Variants in GPM6A observed in about 807,000 individuals in gnomAD.
GPM6A encodes the protein neuronal membrane glycoprotein M6-a.
In GPM6A, 7 loss-of-function variants were observed where a neutral mutation model predicts 32.1. The observed-to-expected ratio is 0.22, with a 90% CI of 0.12 to 0.41. GPM6A has a LOEUF of 0.41. GPM6A is among the 10% of genes least tolerant of loss of function. The pLI is 1.00. For missense variants in GPM6A, 235 were observed against 347.2 expected (o/e 0.68, Z 2.57); for synonymous variants, 130 against 123.4 (o/e 1.05, Z -0.35).
intron 1 of GPM6A, among the ~76,000 whole-genome samples, chr4:175,993,936 C>G (rs1010852572): frequency 7.9e-5 from 12 of 152,148 alleles, no homozygotes; most frequent in African/African-American, 2.7e-4. Flanking sequence ...TTCCTAGCAA[C>G]GTGTACAAAT....
intron 1 of GPM6A, among the ~76,000 whole-genome samples, chr4:175,835,909 G>T (rs1291784091): frequency 6.6e-6 from 1 of 150,862 alleles, no homozygotes; most frequent in Non-Finnish European, 1.5e-5. Context: ...GCCAGAAAGA[G>T]AAGAGCATAA....
chr4:175,821,958 AAC>A (rs964776067), intron 1 of GPM6A, among the ~76,000 whole-genome samples: 1 of 152,132 alleles, frequency 6.6e-6, no homozygotes, highest in African/African-American at 2.4e-5. Flanking sequence ...TAGGGTCCCC[AAC>A]ACAGTGTTGA....
At chr4:175,675,728 C>T (rs923509618) in intron 2 of GPM6A, among the ~76,000 whole-genome samples, 6 of 152,168 alleles carry the variant, frequency 3.9e-5, no homozygotes, top group African/African-American at 1.4e-4. Context: ...TGGCTCACCG[C>T]AGCCTCAACC....
chr4:175,981,922 T>C (rs1188746902), intron 1 of GPM6A, among the ~76,000 whole-genome samples: 1 of 152,172 alleles, frequency 6.6e-6, no homozygotes, highest in Non-Finnish European at 1.5e-5. Flanking sequence ...GCTTGGATTT[T>C]TGTTCTGTTT....
At chr4:176,002,356 T>A, upstream of GPM6A, 1 of 1,577,634 alleles carries the variant, frequency 6.3e-7, no homozygotes, top group Non-Finnish European at 8.6e-7. Flanking sequence ...GGAGAGCGAG[T>A]GACCAGACGC....
At chr4:175,877,727 T>C (rs757144623) in intron 1 of GPM6A, among the ~76,000 whole-genome samples, 27 of 152,254 alleles carry the variant, frequency 1.8e-4, no homozygotes, top group Non-Finnish European at 3.8e-4. Flanking sequence ...CCAAACCATA[T>C]CATTCTGCCC....
At chr4:175,804,792 T>C (rs1734618765) in intron 1 of GPM6A, among the ~76,000 whole-genome samples, 1 of 152,112 alleles carries the variant, frequency 6.6e-6, no homozygotes, top group African/African-American at 2.4e-5. Context: ...ACGCCTGTAA[T>C]CCCAGCACTT....
intron 1 of GPM6A, among the ~76,000 whole-genome samples, chr4:175,895,619 A>G (rs541571792): frequency 5.3e-5 from 8 of 152,330 alleles, no homozygotes; most frequent in African/African-American, 1.7e-4. Flanking sequence ...TAAAATTCCA[A>G]ATCAACCTAT....
intron 1 of GPM6A, among the ~76,000 whole-genome samples, chr4:175,775,355 T>C (rs1733352348): frequency 6.6e-6 from 1 of 152,136 alleles, no homozygotes; most frequent in African/African-American, 2.4e-5. Flanking sequence ...ACAAAGTGTT[T>C]TCTCTGTTTT....
chr4:175,727,031 A>G (rs1379136451), intron 1 of GPM6A, among the ~76,000 whole-genome samples: 1 of 152,152 alleles, frequency 6.6e-6, no homozygotes, highest in African/African-American at 2.4e-5. Context: ...ATTTTCTAGA[A>G]GAGAAAGATC....
intron 1 of GPM6A, among the ~76,000 whole-genome samples, chr4:175,948,583 G>A (rs1739691844): frequency 6.6e-6 from 1 of 152,096 alleles, no homozygotes; most frequent in African/African-American, 2.4e-5. Context: ...TTGAATATTT[G>A]AACTCTAAAA....
At chr4:175,872,638 T>C (rs1046966050) in intron 1 of GPM6A, 4 of 152,184 alleles carry the variant, frequency 2.6e-5, no homozygotes, top group African/African-American at 9.7e-5. Context: ...ATCTTTAAAG[T>C]TGAGTTATTA....
chr4:175,946,592 T>C (rs1485807079), intron 1 of GPM6A, among the ~76,000 whole-genome samples: 1 of 152,066 alleles, frequency 6.6e-6, no homozygotes, highest in African/African-American at 2.4e-5. Context: ...TTGAGGCAGG[T>C]GGTCCATAGA....
At chr4:175,677,856 A>G (rs1007572709) in intron 2 of GPM6A, among the ~76,000 whole-genome samples, 5 of 152,188 alleles carry the variant, frequency 3.3e-5, no homozygotes, top group Non-Finnish European at 7.4e-5. Context: ...CCAGTCATGA[A>G]AAACGTGGTC....
At chr4:175,978,104 A>T (rs57142283) in intron 1 of GPM6A, among the ~76,000 whole-genome samples, 3,248 of 152,274 alleles carry the variant, frequency 0.021, 104 homozygotes, top group African/African-American at 0.073. Flanking sequence ...GCCTGTTTTC[A>T]CCCTGCTATA....
At chr4:175,985,039 T>G (rs1330343305) in intron 1 of GPM6A, among the ~76,000 whole-genome samples, 1 of 152,202 alleles carries the variant, frequency 6.6e-6, no homozygotes, top group Non-Finnish European at 1.5e-5. Context: ...GGCTTAATTC[T>G]CCCACCTTCT....
intron 1 of GPM6A, among the ~76,000 whole-genome samples, chr4:175,935,658 G>A (rs527835184): frequency 5.5e-4 from 83 of 152,062 alleles, no homozygotes; most frequent in Non-Finnish European, 1.0e-3. Context: ...GGAATAAAAT[G>A]ATTTGAATAA....
At chr4:175,888,089 A>C (rs1441900570) in intron 1 of GPM6A, among the ~76,000 whole-genome samples, 3 of 151,992 alleles carry the variant, frequency 2.0e-5, no homozygotes, top group African/African-American at 7.2e-5. Context: ...ATCTAATTTA[A>C]AATGGAAAAG....
At chr4:175,750,445 G>GGT (rs1183589544) in intron 1 of GPM6A, among the ~76,000 whole-genome samples, 95 of 152,200 alleles carry the variant, frequency 6.2e-4, no homozygotes, top group African/African-American at 2.1e-3. Context: ...AATGTGTACC[G>GGT]GAGCACTCTT....
Sources: allele counts gnomAD v4.1 joint callset (sites outside exome capture counted in the v4.1 genomes callset), GRCh38; gene constraint gnomAD v4.1.1; transcripts MANE v1.5; gene names NCBI Gene and HGNC (gene_info 2026-07-23, HGNC 2026-07-21).